The following AGMO variants were observed in gnomAD, a reference collection of about 807,000 sequenced individuals.
AGMO encodes alkylglycerol monooxygenase, also known as glyceryl-ether monooxygenase.
Under a neutral mutation model 60.2 loss-of-function variants are expected in AGMO, and 75 were observed. The observed-to-expected ratio is 1.25, with a 90% CI of 1.03 to 1.51. The LOEUF (loss-of-function observed/expected upper bound fraction) is 1.51, where lower values mean the gene tolerates loss of function less well. Among genes scored for constraint, AGMO ranks in the 40% most tolerant of loss-of-function variants. The pLI is 0.00. For synonymous variants in AGMO, 261 were observed against 177.1 expected (o/e 1.47, Z -3.76); for missense variants, 763 against 525.5 (o/e 1.45, Z -4.42).
At chr7:15,218,800 C>G (rs1199806502) in intron 12 of AGMO, among the ~76,000 whole-genome samples, 1 of 152,070 alleles carries the variant, frequency 6.6e-6, no homozygotes, top group Middle Eastern at 3.2e-3. Flanking sequence ...ATGGTGCACA[C>G]AGTCCACAAT....
At chr7:15,255,245 G>T (rs1175238951) in intron 12 of AGMO, among the ~76,000 whole-genome samples, 1 of 152,044 alleles carries the variant, frequency 6.6e-6, no homozygotes, top group South Asian at 2.1e-4. Flanking sequence ...ATAACATTAG[G>T]AGAAATACCT....
At chr7:15,477,461 G>A (rs1782627894) in intron 3 of AGMO, among the ~76,000 whole-genome samples, 1 of 152,084 alleles carries the variant, frequency 6.6e-6, no homozygotes, top group South Asian at 2.1e-4. Flanking sequence ...TAATCGATGT[G>A]AATGAATGAG....
intron 12 of AGMO, among the ~76,000 whole-genome samples, chr7:15,232,801 GCACACACACACACACA>G (rs71004371): frequency 6.8e-6 from 1 of 147,024 alleles, no homozygotes; most frequent in South Asian, 2.2e-4. Context: ...ACACACACAC[GCACACACACACACACA>G]CACACACACA....
At chr7:15,190,440 T>C in the AGMO span, among the ~76,000 whole-genome samples, 1 of 151,860 alleles carries the variant, frequency 6.6e-6, no homozygotes, top group Non-Finnish European at 1.5e-5. Context: ...AAAACTTTGA[T>C]TTCTCCATAG....
At chr7:15,523,626 G>A (rs1363364651) in intron 3 of AGMO, among the ~76,000 whole-genome samples, 4 of 152,034 alleles carry the variant, frequency 2.6e-5, no homozygotes, top group Non-Finnish European at 5.9e-5. Context: ...AGTAGGAGTC[G>A]AACAATGAGA....
chr7:15,275,704 G>A (rs1271902157), intron 12 of AGMO, among the ~76,000 whole-genome samples: 1 of 152,068 alleles, frequency 6.6e-6, no homozygotes, highest in Non-Finnish European at 1.5e-5. Context: ...TTTATTTTAT[G>A]AATCTGGGTT....
intron 3 of AGMO, among the ~76,000 whole-genome samples, chr7:15,501,952 A>C (rs1783397304): frequency 6.6e-6 from 1 of 152,062 alleles, no homozygotes; most frequent in Non-Finnish European, 1.5e-5. Context: ...TTTAAAAATA[A>C]ATGTCATCAA....
At chr7:15,228,364 G>A (rs1464416272) in intron 12 of AGMO, among the ~76,000 whole-genome samples, 4 of 152,062 alleles carry the variant, frequency 2.6e-5, no homozygotes, top group Non-Finnish European at 5.9e-5. Flanking sequence ...TCAAGGAAAT[G>A]TAATTTAAAA....
intron 3 of AGMO, among the ~76,000 whole-genome samples, chr7:15,524,558 T>C (rs2128537354): frequency 6.6e-6 from 1 of 152,266 alleles, no homozygotes; most frequent in South Asian, 2.1e-4. Flanking sequence ...TGCAACCATA[T>C]TTTTCTAGAA....
chr7:15,416,636 T>C (rs1265370918), intron 5 of AGMO, among the ~76,000 whole-genome samples: 1 of 152,114 alleles, frequency 6.6e-6, no homozygotes, highest in East Asian at 1.9e-4. Flanking sequence ...GCAGGGCTCT[T>C]TGGCTAACAT....
intron 10 of AGMO, among the ~76,000 whole-genome samples, chr7:15,383,535 G>C (rs181771128): frequency 2.0e-4 from 31 of 152,084 alleles, no homozygotes; most frequent in African/African-American, 7.5e-4. Flanking sequence ...AGAATATATA[G>C]AACTGTTACA....
intron 12 of AGMO, among the ~76,000 whole-genome samples, chr7:15,354,487 TACAC>T (rs202018315): frequency 5.4e-4 from 13 of 24,140 alleles, no homozygotes; most frequent in Admixed American, 2.0e-3. Context: ...CGTGTGTATA[TACAC>T]ACGTGTATAT....
At chr7:15,209,595 C>CT (rs1225738741) in intron 12 of AGMO, among the ~76,000 whole-genome samples, 1 of 152,204 alleles carries the variant, frequency 6.6e-6, no homozygotes, top group Non-Finnish European at 1.5e-5. Flanking sequence ...CCACATACGG[C>CT]TTGCAGCTTG....
chr7:15,328,069 C>T (rs1781399280), intron 12 of AGMO, among the ~76,000 whole-genome samples: 1 of 151,898 alleles, frequency 6.6e-6, no homozygotes, highest in Non-Finnish European at 1.5e-5. Flanking sequence ...AGACACTGTG[C>T]CTGGTCAATA....
rs779841176 is a variant in AGMO, at chr7:15,465,356, C to T, written c.410-34248G>A. Among the ~76,000 whole-genome samples the T allele has an allele frequency of 7.3e-5, 11 of 149,790 alleles. No individual in the cohort carries two copies. In the East Asian group the frequency reaches 7.9e-4, roughly 11 times the overall value. On this transcript the variant is annotated intron_variant, in intron 3 of 12. Coordinates refer to ENST00000342526, the MANE Select transcript of AGMO (RefSeq NM_001004320.2). ...GTGTGTGCGTGTGTGTATATACACA[C>T]GCACACACACATATATATGAATAAA...
intron 12 of AGMO, among the ~76,000 whole-genome samples, chr7:15,308,509 T>C (rs1340117808): frequency 1.3e-5 from 2 of 152,112 alleles, no homozygotes; most frequent in African/African-American, 2.4e-5. Context: ...TGTTGTCTCA[T>C]TTGCTTGTAT....
chr7:15,275,860 G>C (rs771316753), intron 12 of AGMO, among the ~76,000 whole-genome samples: 3 of 151,754 alleles, frequency 2.0e-5, no homozygotes, highest in Non-Finnish European at 2.9e-5. Context: ...GGTTATTCCT[G>C]CTTGCATTTG....
chr7:15,549,234 G>A (rs1421944253), intron 2 of AGMO, among the ~76,000 whole-genome samples: 7 of 142,812 alleles, frequency 4.9e-5, no homozygotes, highest in African/African-American at 1.9e-4. Flanking sequence ...AAAGACCATC[G>A]AGACTAGGAA....
chr7:15,332,342 T>C (rs924463369), intron 12 of AGMO, among the ~76,000 whole-genome samples: 11 of 152,078 alleles, frequency 7.2e-5, no homozygotes, highest in African/African-American at 2.4e-4. Flanking sequence ...TTGCAAGAAA[T>C]TGAGTTCATC....
Sources: allele counts gnomAD v4.1 joint callset (sites outside exome capture counted in the v4.1 genomes callset), GRCh38; gene constraint gnomAD v4.1.1; transcripts MANE v1.5; gene names NCBI Gene and HGNC (gene_info 2026-07-23, HGNC 2026-07-21).